Variants in ASTN2 observed in about 807,000 individuals in gnomAD.
ASTN2 encodes the protein astrotactin-2.
ASTN2 carries 54 observed loss-of-function variants against 139.8 expected under a neutral mutation model. The observed-to-expected ratio is 0.39, with a 90% CI of 0.31 to 0.48. The LOEUF (loss-of-function observed/expected upper bound fraction) is 0.48, where lower values mean the gene tolerates loss of function less well. Ranked by LOEUF, ASTN2 falls within the 20% of genes least tolerant of loss-of-function variation. The pLI, the probability that ASTN2 is intolerant of heterozygous loss-of-function variation, is 0.95. For synonymous variants in ASTN2, 756 were observed against 719.5 expected (o/e 1.05, Z -0.81); for missense variants, 1,565 against 1,725.1 (o/e 0.91, Z 1.64).
At chr9:116,686,703 TCTGCAGGGACAGGGG>T in intron 16 of ASTN2, 2 of 1,550,500 alleles carry the variant, frequency 1.3e-6, no homozygotes, top group Non-Finnish European at 1.7e-6. Context: ...GTACCTTCAG[TCTGCAGGGACAGGGG>T]CTGCAGAGTG....
At chr9:116,572,118 G>A (rs1256370139) in intron 19 of ASTN2, among the ~76,000 whole-genome samples, 1 of 152,092 alleles carries the variant, frequency 6.6e-6, no homozygotes, top group Non-Finnish European at 1.5e-5. Flanking sequence ...GTTCCCCTGT[G>A]TCTCTGCCTC....
chr9:116,643,700 T>A (rs1321240028), intron 17 of ASTN2, among the ~76,000 whole-genome samples: 3 of 152,198 alleles, frequency 2.0e-5, no homozygotes, highest in Non-Finnish European at 4.4e-5. Context: ...ATAGTACATA[T>A]ATATGTATCT....
chr9:117,188,884 G>C (rs992601020), intron 3 of ASTN2, among the ~76,000 whole-genome samples: 11 of 152,062 alleles, frequency 7.2e-5, no homozygotes, highest in African/African-American at 2.2e-4. Context: ...CAGGCAGGTC[G>C]GTGGCCTCTC....
rs369901097 is a variant in ASTN2, at chr9:116,615,153, C to T, written c.3355+3171G>A. On this transcript the variant is annotated intron_variant, in intron 19 of 22. Transcript: ENST00000313400. ...TCATCATCACTGGCCATCAGAGAAA[C>T]ACAAATCAAAACCACAATGAGATAC... 3.7e-3 allele frequency among the ~76,000 whole-genome samples: 564 copies of T among 152,112 alleles called. 25 individuals carry two copies. The East Asian group carries it at 0.097, about 26-fold the overall frequency.
At chr9:117,103,949 C>T (rs1414842443) in intron 4 of ASTN2, among the ~76,000 whole-genome samples, 1 of 152,176 alleles carries the variant, frequency 6.6e-6, no homozygotes, top group Non-Finnish European at 1.5e-5. Context: ...ATGTTTTGAC[C>T]ACAACTGCTA....
chr9:117,143,577 A>G (rs1028732979), intron 3 of ASTN2, among the ~76,000 whole-genome samples: 31 of 152,222 alleles, frequency 2.0e-4, no homozygotes, highest in Non-Finnish European at 1.5e-5. Flanking sequence ...AAAACATTAC[A>G]TACCAATGCT....
At chr9:116,586,047 G>T (rs1854132736) in intron 19 of ASTN2, 1 of 152,160 alleles carries the variant, frequency 6.6e-6, no homozygotes, top group African/African-American at 2.4e-5. Flanking sequence ...ATGAAAAACT[G>T]CTCCACATTA....
chr9:117,144,116 C>A (rs190440835), intron 3 of ASTN2, among the ~76,000 whole-genome samples: 53 of 152,204 alleles, frequency 3.5e-4, no homozygotes, highest in African/African-American at 1.3e-3. Context: ...GAAAGAAAGA[C>A]CCCACTCTCT....
intron 8 of ASTN2, 69 bp from the exon 9 acceptor site, chr9:116,976,257 C>T: frequency 7.6e-7 from 1 of 1,316,890 alleles, no homozygotes; most frequent in Non-Finnish European, 1.1e-6. Context: ...CATGTGGACA[C>T]TGCTCTAGAG....
At chr9:117,358,261 GACACACACACAC>G (rs67475291) in intron 1 of ASTN2, among the ~76,000 whole-genome samples, 24 of 146,892 alleles carry the variant, frequency 1.6e-4, no homozygotes, top group African/African-American at 5.6e-4. Context: ...TACATGTGCA[GACACACACACAC>G]ACACACACAC....
At chr9:117,190,332 T>G (rs145994335) in intron 3 of ASTN2, among the ~76,000 whole-genome samples, 2 of 152,180 alleles carry the variant, frequency 1.3e-5, no homozygotes, top group Non-Finnish European at 2.9e-5. Context: ...CAAAACATTA[T>G]GTAGGGGCTA....
chr9:116,869,939 A>G (rs189748723), intron 10 of ASTN2, among the ~76,000 whole-genome samples: 2 of 133,198 alleles, frequency 1.5e-5, no homozygotes, highest in South Asian at 2.2e-4. Context: ...TCCCATTTCT[A>G]TAATTTTTTT....
chr9:117,249,997 A>C (rs1416176223), intron 2 of ASTN2, among the ~76,000 whole-genome samples: 2 of 152,184 alleles, frequency 1.3e-5, no homozygotes, highest in Non-Finnish European at 2.9e-5. Flanking sequence ...GTTTGGAAGC[A>C]CATGTATCAG....
At chr9:116,859,531 T>C (rs892281097) in intron 11 of ASTN2, among the ~76,000 whole-genome samples, 12 of 152,212 alleles carry the variant, frequency 7.9e-5, no homozygotes, top group African/African-American at 2.4e-4. Context: ...TAGAAGCATC[T>C]GTGATCTGTT....
intron 10 of ASTN2, among the ~76,000 whole-genome samples, chr9:116,885,819 A>G (rs952037506): frequency 2.0e-5 from 3 of 152,212 alleles, no homozygotes; most frequent in South Asian, 2.1e-4. Context: ...CAATTTCTGT[A>G]TGTTCAATAA....
intron 2 of ASTN2, among the ~76,000 whole-genome samples, chr9:117,219,059 A>T (rs977555569): frequency 6.6e-6 from 1 of 152,150 alleles, no homozygotes. Flanking sequence ...TCCTGTAAAA[A>T]CTGAAGAGTG....
intron 10 of ASTN2, among the ~76,000 whole-genome samples, chr9:116,905,898 A>G (rs1834145634): frequency 6.7e-6 from 1 of 148,528 alleles, no homozygotes; most frequent in Non-Finnish European, 1.5e-5. Context: ...GCCGTTTAAG[A>G]GCCTAGGAGT....
chr9:117,320,316 G>T (rs529937204), intron 1 of ASTN2, among the ~76,000 whole-genome samples: 1 of 152,268 alleles, frequency 6.6e-6, no homozygotes, highest in East Asian at 1.9e-4. Context: ...AGAAGCCCAG[G>T]ATTCTGCATT....
intron 11 of ASTN2, among the ~76,000 whole-genome samples, chr9:116,842,506 C>T (rs1022018270): frequency 6.6e-6 from 1 of 151,632 alleles, no homozygotes; most frequent in Admixed American, 6.6e-5. Flanking sequence ...TGGTGTGCTT[C>T]CTGGCATATA....
Sources: gnomAD v4.1 joint callset for allele counts (sites outside exome capture counted in the v4.1 genomes callset) on GRCh38, gnomAD v4.1.1 for gene constraint, MANE v1.5 for transcripts, NCBI Gene and HGNC (gene_info 2026-07-23, HGNC 2026-07-21) for gene names.